WDR49: variants seen among roughly 807,000 people sequenced by gnomAD.
The protein encoded by WDR49 is cilia- and flagella-associated protein 337.
WDR49 carries 107 observed loss-of-function variants against 119.5 expected under a neutral mutation model. The ratio of observed to expected loss-of-function variants is 0.90; its 90% CI spans 0.77 to 1.05. The LOEUF is 1.05. Among genes scored for constraint, WDR49 ranks in the 50% least tolerant of loss-of-function variants. The pLI, the probability that WDR49 is intolerant of heterozygous loss-of-function variation, is 0.00. For missense variants in WDR49, 1,240 were observed against 1,220.5 expected (o/e 1.02, Z -0.24); for synonymous variants, 425 against 418.8 (o/e 1.01, Z -0.18).
At chr3:167,587,704 G>C (rs1393405110) in intron 7 of WDR49, among the ~76,000 whole-genome samples, 4 of 152,032 alleles carry the variant, frequency 2.6e-5, no homozygotes, top group African/African-American at 9.7e-5. Flanking sequence ...GGCTGATCTT[G>C]AACTCCTGGG....
chr3:167,613,380 C>G (rs1444015501), intron 5 of WDR49, among the ~76,000 whole-genome samples: 1 of 152,186 alleles, frequency 6.6e-6, no homozygotes, highest in Non-Finnish European at 1.5e-5. Context: ...ACAGAACAAG[C>G]TGCAGGAAAT....
intron 10 of WDR49, among the ~76,000 whole-genome samples, chr3:167,543,052 A>T (rs1711940489): frequency 6.6e-6 from 1 of 152,080 alleles, no homozygotes; most frequent in Non-Finnish European, 1.5e-5. Flanking sequence ...GAGGATTTGG[A>T]TGCATTTCTG....
chr3:167,621,923 A>C (rs1223925524), intron 3 of WDR49, among the ~76,000 whole-genome samples: 1 of 152,150 alleles, frequency 6.6e-6, no homozygotes, highest in Non-Finnish European at 1.5e-5. Flanking sequence ...AGACTAGACC[A>C]CTAATCACAC....
At chr3:167,621,025 TTA>T (rs1209802474) in intron 4 of WDR49, among the ~76,000 whole-genome samples, 1 of 152,132 alleles carries the variant, frequency 6.6e-6, no homozygotes, top group Non-Finnish European at 1.5e-5. Flanking sequence ...AATCCTTTTG[TTA>T]TATGATACAG....
intron 3 of WDR49, 72 bp from the exon 4 acceptor site, chr3:167,621,715 C>A: frequency 7.2e-7 from 1 of 1,381,308 alleles, no homozygotes; most frequent in Non-Finnish European, 9.6e-7. Context: ...AAAGCAGACA[C>A]GCCACTCTAA....
At chr3:167,561,887 A>G (rs1349329905) in intron 8 of WDR49, among the ~76,000 whole-genome samples, 4 of 152,208 alleles carry the variant, frequency 2.6e-5, no homozygotes, top group African/African-American at 9.6e-5. Context: ...ATTCCTGCAC[A>G]GCATTCCAGA....
rs80158116 is a variant in WDR49, at chr3:167,644,853, C to T, written c.165+8408G>A. Among the ~76,000 whole-genome samples the T allele has an allele frequency of 8.3e-3, 1,263 of 152,052 alleles. 92 individuals are homozygous for T. The East Asian group carries it at 0.17, about 21-fold the overall frequency. ...ATGTTATTGATCTTTTTAATATTTG[C>T]CAATCTGATGATTATAAAAAGAACG... is the stretch of plus-strand genomic sequence containing the variant. On this transcript the variant is annotated intron_variant, in intron 2 of 18. Coordinates refer to ENST00000682715, the MANE Select transcript of WDR49 (RefSeq NM_001366157.1).
chr3:167,625,374 CATTATTTTTCA>C (rs1717086402), intron 3 of WDR49, among the ~76,000 whole-genome samples: 1 of 151,748 alleles, frequency 6.6e-6, no homozygotes, highest in African/African-American at 2.4e-5. Context: ...ATTTTAAACC[CATTATTTTTCA>C]ATTATACTGA....
At chr3:167,500,344 A>G in intron 17 of WDR49, 45 bp from the exon 18 acceptor site, 1 of 1,592,838 alleles carries the variant, frequency 6.3e-7, no homozygotes, top group Non-Finnish European at 8.5e-7. Context: ...GAAAAAGGGT[A>G]CAATATCATT....
At chr3:167,618,858 C>A (rs1716724761) in intron 5 of WDR49, among the ~76,000 whole-genome samples, 1 of 152,100 alleles carries the variant, frequency 6.6e-6, no homozygotes, top group Non-Finnish European at 1.5e-5. Context: ...AGAGAACAAT[C>A]CTTGTCCTAT....
chr3:167,632,298 T>C (rs1680054576), intron 2 of WDR49, among the ~76,000 whole-genome samples: 1 of 152,096 alleles, frequency 6.6e-6, no homozygotes, highest in Non-Finnish European at 1.5e-5. Flanking sequence ...AATGTAGTAT[T>C]AGAAACAAAT....
intron 18 of WDR49, among the ~76,000 whole-genome samples, chr3:167,493,963 G>A (rs960413049): frequency 5.3e-5 from 8 of 152,006 alleles, no homozygotes; most frequent in African/African-American, 1.7e-4. Context: ...AAGACTGATC[G>A]GCATACATGT....
intron 5 of WDR49, among the ~76,000 whole-genome samples, chr3:167,612,367 CA>C (rs141592571): frequency 0.035 from 4,930 of 141,220 alleles, 234 homozygotes; most frequent in African/African-American, 0.11. Flanking sequence ...GTGCCTTCAT[CA>C]AAAAAAAAAG....
Position 167,511,415 on chromosome 3 carries a change from C to T in WDR49, c.2775-5999G>A, listed in dbSNP as rs183597543. ...TTGCCTCTCACCCCCAGAAGTCTAC[C>T]GACGCCTATATAATCTTATAATCAA... On this transcript the variant is annotated intron_variant, in intron 16 of 18. Transcript: ENST00000682715. Among the ~76,000 whole-genome samples the T allele has an allele frequency of 1.4e-3, 207 of 152,202 alleles. 4 individuals carry two copies. In the East Asian group the frequency reaches 0.031, roughly 23 times the overall value.
chr3:167,512,817 G>C (rs1225458745), intron 16 of WDR49, among the ~76,000 whole-genome samples: 1 of 152,154 alleles, frequency 6.6e-6, no homozygotes, highest in Non-Finnish European at 1.5e-5. Flanking sequence ...GCAATCACAA[G>C]TGTCAATAGC....
intron 18 of WDR49, among the ~76,000 whole-genome samples, chr3:167,487,112 T>C (rs545198271): frequency 6.6e-6 from 1 of 152,166 alleles, no homozygotes; most frequent in Non-Finnish European, 1.5e-5. Context: ...GGCATCACAT[T>C]ACCTGACTTC....
intron 5 of WDR49, among the ~76,000 whole-genome samples, chr3:167,612,849 A>C (rs1716406345): frequency 6.6e-6 from 1 of 152,226 alleles, no homozygotes; most frequent in Non-Finnish European, 1.5e-5. Context: ...TCTAAGTATC[A>C]AAACAATTGA....
At chr3:167,553,629 A>G (rs1238143234) in intron 10 of WDR49, among the ~76,000 whole-genome samples, 34 of 152,110 alleles carry the variant, frequency 2.2e-4, no homozygotes, top group Admixed American at 2.2e-3. Context: ...ATTCATTGCC[A>G]TTTTCTAAGT....
chr3:167,615,443 TA>T lies in WDR49; in HGVS notation c.958+4985del, dbSNP rs57991972. ...GGACCACCACTCCCGGCTCTCCATT[TA>T]AAAAAAAAAAAAAAAAAAGAAAGAA... On this transcript the variant is annotated intron_variant, in intron 5 of 18. Coordinates refer to ENST00000682715, the MANE Select transcript of WDR49 (RefSeq NM_001366157.1). 5.3e-3 allele frequency among the ~76,000 whole-genome samples: 716 copies of T among 135,082 alleles called. 4 individuals carry two copies. The highest frequency in any genetic ancestry group is 0.015 in the Middle Eastern group (4 of 262). The allele number at this position is 135,082 out of a possible 152,430, so 88.6% of individuals were successfully genotyped here.
Sources: gnomAD v4.1 joint callset for allele counts (sites outside exome capture counted in the v4.1 genomes callset) on GRCh38, gnomAD v4.1.1 for gene constraint, MANE v1.5 for transcripts, NCBI Gene and HGNC (gene_info 2026-07-23, HGNC 2026-07-21) for gene names.